SPRED2: variants seen among roughly 807,000 people sequenced by gnomAD.
SPRED2 encodes sprouty-related, EVH1 domain-containing protein 2.
In SPRED2, 47 loss-of-function variants were observed where a neutral mutation model predicts 43.0. The observed-to-expected ratio is 1.09, with a 90% CI of 0.87 to 1.40. The LOEUF (loss-of-function observed/expected upper bound fraction) is 1.40. Ranked by LOEUF, SPRED2 falls within the 40% of genes most tolerant of loss-of-function variation. The pLI, the probability that SPRED2 is intolerant of heterozygous loss-of-function variation, is 0.00. For synonymous variants in SPRED2, 225 were observed against 225.7 expected (o/e 1.00, Z 0.03); for missense variants, 561 against 586.4 (o/e 0.96, Z 0.45).
At chr2:65,308,104 C>T (rs373165020), downstream of SPRED2, among the ~76,000 whole-genome samples, 3 of 152,236 alleles carry the variant, frequency 2.0e-5, no homozygotes. Flanking sequence ...GGGTGTCCAC[C>T]ATTCAGGGAA....
chr2:65,341,075 G>A (rs1055665378), intron 2 of SPRED2, among the ~76,000 whole-genome samples: 12 of 118,168 alleles, frequency 1.0e-4, no homozygotes, highest in Admixed American at 9.4e-4. Context: ...GGCAGTGAGA[G>A]AGAGAGAGGA....
At chr2:65,401,444 A>G (rs1675885138) in intron 1 of SPRED2, among the ~76,000 whole-genome samples, 1 of 151,822 alleles carries the variant, frequency 6.6e-6, no homozygotes, top group South Asian at 2.1e-4. Flanking sequence ...GCCATGTCTC[A>G]TACCATTTTT....
At chr2:65,405,501 C>T (rs1435202672) in intron 1 of SPRED2, among the ~76,000 whole-genome samples, 2 of 152,192 alleles carry the variant, frequency 1.3e-5, no homozygotes, top group African/African-American at 4.8e-5. Flanking sequence ...TCTCATCACA[C>T]ACTCATTACA....
intron 1 of SPRED2, among the ~76,000 whole-genome samples, chr2:65,348,947 A>T (rs1674428712): frequency 6.6e-6 from 1 of 152,262 alleles, no homozygotes; most frequent in Admixed American, 6.5e-5. Context: ...TAAAAGTCAT[A>T]GGACATACAT....
At chr2:65,422,104 A>ACACACACACACACACACACACT (rs1299857849) in intron 1 of SPRED2, among the ~76,000 whole-genome samples, 3 of 128,938 alleles carry the variant, frequency 2.3e-5, no homozygotes, top group African/African-American at 5.8e-5. Flanking sequence ...ACACACACAC[A>ACACACACACACACACACACACT]CTCTCTCTCT....
intron 1 of SPRED2, among the ~76,000 whole-genome samples, chr2:65,370,400 T>C (rs1675095725): frequency 6.6e-6 from 1 of 152,170 alleles, no homozygotes; most frequent in South Asian, 2.1e-4. Context: ...CAGCCACACA[T>C]TCGAGTGTTT....
chr2:65,404,453 T>C (rs1675976524), intron 1 of SPRED2, among the ~76,000 whole-genome samples: 1 of 152,208 alleles, frequency 6.6e-6, no homozygotes, highest in Non-Finnish European at 1.5e-5. Flanking sequence ...TCCTCTCATC[T>C]CTTTATTGGA....
Position 65,334,728 on chromosome 2 carries a change from CT to C in SPRED2, c.249del (p.Ala84ProfsTer32). The C allele has an allele frequency of 6.2e-7, 1 of 1,614,206 alleles. No individual in the cohort carries two copies. Among genetic ancestry groups the C allele is most frequent in the Non-Finnish European group, 8.5e-7 (1 of 1,180,046 alleles). Reference protein sequence around the residue: ...CYVRKDLVYTKANPTFHHWKV... With the variant: ...CYVRKDLVYTXANPTFHHWKV... ...TTCCAGTGATGAAACGTTGGATTGG[CT>C]TTGGTGTAGACCAAGTCCTTTCTTA... On this transcript the variant is annotated frameshift_variant, in exon 3 of 6. Transcript: ENST00000356388. LOFTEE classifies it high-confidence loss of function.
At chr2:65,352,160 C>A (rs780330806) in intron 1 of SPRED2, among the ~76,000 whole-genome samples, 1 of 152,208 alleles carries the variant, frequency 6.6e-6, no homozygotes, top group Non-Finnish European at 1.5e-5. Flanking sequence ...GACTCGATCG[C>A]AAAGATGCCA....
At chr2:65,355,192 A>C (rs1276795921) in intron 1 of SPRED2, among the ~76,000 whole-genome samples, 1 of 152,222 alleles carries the variant, frequency 6.6e-6, no homozygotes, top group Non-Finnish European at 1.5e-5. Context: ...ATGCCTCTTA[A>C]ATCCTTGGTG....
intron 1 of SPRED2, among the ~76,000 whole-genome samples, chr2:65,426,300 A>G (rs1676557172): frequency 1.3e-5 from 2 of 152,206 alleles, no homozygotes. Context: ...AGGCTTATAT[A>G]TATATATACC....
chr2:65,307,930 G>GC (rs1450629547), downstream of SPRED2, among the ~76,000 whole-genome samples: 1 of 152,196 alleles, frequency 6.6e-6, no homozygotes, highest in African/African-American at 2.4e-5. Context: ...ACTTTCACAA[G>GC]CCTCCTCCCC....
chr2:65,414,903 C>T (rs1676238751), intron 1 of SPRED2, among the ~76,000 whole-genome samples: 1 of 152,034 alleles, frequency 6.6e-6, no homozygotes, highest in Admixed American at 6.6e-5. Flanking sequence ...TCCAGGATTC[C>T]ATTTTTCAGG....
At chr2:65,407,801 AG>A (rs1327762163) in intron 1 of SPRED2, among the ~76,000 whole-genome samples, 2 of 152,232 alleles carry the variant, frequency 1.3e-5, no homozygotes, top group Non-Finnish European at 2.9e-5. Context: ...ACTGGAGGAC[AG>A]TTCTCTCTTC....
In SPRED2 at chr2:65,334,621, G is replaced by T. The variant is rs773242396; in HGVS notation, c.357C>A (p.Ile119=). 1.3e-5 allele frequency: 21 copies of T among 1,614,024 alleles called. No individual in the cohort carries two copies. In the Admixed American group the frequency reaches 3.3e-4, roughly 26 times the overall value. ...RAFDRGVRKA[I]EDLIEGSTTS... ...GTTCAATACCTTCTATAAGGTCTTC[G>T]ATTGCTTTCCTTACTCCCCTGTCAA... Residue 119 remains isoleucine, a synonymous_variant, in exon 3 of 6, where the codon ATC becomes ATA. Transcript: ENST00000356388.
At chr2:65,421,243 C>T (rs1478576969) in intron 1 of SPRED2, among the ~76,000 whole-genome samples, 5 of 152,184 alleles carry the variant, frequency 3.3e-5, no homozygotes, top group African/African-American at 1.2e-4. Flanking sequence ...TGGGGAGGGA[C>T]AGGCACCTGA....
At chr2:65,349,308 C>CAAAAAAAAAAAAAAAA (rs59019958) in intron 1 of SPRED2, among the ~76,000 whole-genome samples, 1 of 83,696 alleles carries the variant, frequency 1.2e-5, no homozygotes. Flanking sequence ...GACTCTGTCT[C>CAAAAAAAAAAAAAAAA]AAAAAAAAAA....
chr2:65,354,138 AG>A (rs1301245126), intron 1 of SPRED2, among the ~76,000 whole-genome samples: 1 of 152,250 alleles, frequency 6.6e-6, no homozygotes, highest in Non-Finnish European at 1.5e-5. Flanking sequence ...AAATACCGGC[AG>A]GCAATTAGGG....
chr2:65,354,055 A>G (rs564204434), intron 1 of SPRED2, among the ~76,000 whole-genome samples: 1 of 152,350 alleles, frequency 6.6e-6, no homozygotes, highest in African/African-American at 2.4e-5. Flanking sequence ...ACACAAAGGA[A>G]CAAAGATCAG....
Sources: allele counts gnomAD v4.1 joint callset (sites outside exome capture counted in the v4.1 genomes callset), GRCh38; gene constraint gnomAD v4.1.1; transcripts MANE v1.5; gene names NCBI Gene and HGNC (gene_info 2026-07-23, HGNC 2026-07-21).